The following MACROD2 variants were observed in gnomAD, a reference collection of about 807,000 sequenced individuals.
MACROD2 encodes ADP-ribose glycohydrolase MACROD2.
A neutral mutation model predicts 70.4 loss-of-function variants in MACROD2; 36 were observed. That is an observed-to-expected ratio of 0.51 (90% CI 0.39 to 0.68). The LOEUF (loss-of-function observed/expected upper bound fraction) is 0.68. MACROD2 is among the 30% of genes least tolerant of loss of function. MACROD2 has a pLI of 0.00. For missense variants in MACROD2, 496 were observed against 538.4 expected (o/e 0.92, Z 0.78); for synonymous variants, 172 against 178.8 (o/e 0.96, Z 0.30).
intron 5 of MACROD2, among the ~76,000 whole-genome samples, chr20:15,091,381 T>C (rs2075791957): frequency 6.6e-6 from 1 of 152,136 alleles, no homozygotes; most frequent in African/African-American, 2.4e-5. Flanking sequence ...TAAAAGTTTT[T>C]ATGTGATCCA....
At chr20:15,486,132 TCTA>T (rs2047160123) in intron 7 of MACROD2, among the ~76,000 whole-genome samples, 1 of 152,084 alleles carries the variant, frequency 6.6e-6, no homozygotes, top group Non-Finnish European at 1.5e-5. Flanking sequence ...AATCTGTTCA[TCTA>T]CTATCAGTTC....
intron 5 of MACROD2, among the ~76,000 whole-genome samples, chr20:14,876,469 A>G (rs1307652557): frequency 6.6e-6 from 1 of 152,098 alleles, no homozygotes; most frequent in Non-Finnish European, 1.5e-5. Flanking sequence ...TCTTTAGTTT[A>G]ATTAGGTCCC....
At chr20:15,686,378 C>A (rs1331063848) in intron 8 of MACROD2, among the ~76,000 whole-genome samples, 1 of 152,062 alleles carries the variant, frequency 6.6e-6, no homozygotes, top group African/African-American at 2.4e-5. Context: ...ATTTGAAAAT[C>A]ACTTTAGAAA....
intron 4 of MACROD2, among the ~76,000 whole-genome samples, chr20:14,604,589 G>A (rs1982688189): frequency 6.6e-6 from 1 of 152,166 alleles, no homozygotes; most frequent in African/African-American, 2.4e-5. Context: ...ACATCCGTGT[G>A]TCTAAACCCA....
intron 3 of MACROD2, among the ~76,000 whole-genome samples, chr20:14,375,356 C>T (rs767638172): frequency 1.3e-5 from 2 of 152,028 alleles, no homozygotes; most frequent in African/African-American, 2.4e-5. Flanking sequence ...AGCCAGTAGA[C>T]AGAATTATGT....
At chr20:15,643,218 T>C (rs996638045) in intron 8 of MACROD2, among the ~76,000 whole-genome samples, 1 of 152,196 alleles carries the variant, frequency 6.6e-6, no homozygotes, top group Non-Finnish European at 1.5e-5. Context: ...TCTCACCTTC[T>C]ACCCTCAACC....
Position 14,548,581 on chromosome 20 carries a change from A to G in MACROD2, c.301+55073A>G, listed in dbSNP as rs1324734622. 7.6e-5 allele frequency among the ~76,000 whole-genome samples: 4 copies of G among 52,490 alleles called. 2 individuals are homozygous for G. The highest frequency in any genetic ancestry group is 1.1e-4 in the African/African-American group (2 of 18,866). 34.4% of individuals were successfully genotyped at this position (52,490 alleles called of 152,430 possible). On this transcript the variant is annotated intron_variant, in intron 4 of 17. Coordinates refer to ENST00000684519, the MANE Select transcript of MACROD2 (RefSeq NM_001351661.2). ...AAAATACAAAAAATTAGCCGGGCGT[A>G]GTGGCGGGCGCCTGTTGTCCCAGCT...
At chr20:14,676,641 A>G (rs2070865232) in intron 4 of MACROD2, among the ~76,000 whole-genome samples, 1 of 152,172 alleles carries the variant, frequency 6.6e-6, no homozygotes, top group African/African-American at 2.4e-5. Context: ...ACACCCTAAC[A>G]TCACAAATAA....
chr20:15,167,147 A>T (rs902977611), intron 5 of MACROD2, among the ~76,000 whole-genome samples: 1 of 152,150 alleles, frequency 6.6e-6, no homozygotes. Flanking sequence ...AACACAAAAA[A>T]TACATTGAGT....
intron 2 of MACROD2, among the ~76,000 whole-genome samples, chr20:14,058,393 C>T (rs2053654011): frequency 6.6e-6 from 1 of 151,704 alleles, no homozygotes; most frequent in Non-Finnish European, 1.5e-5. Context: ...CACATTCAGT[C>T]CTACCTCTTC....
At chr20:16,014,129 A>G (rs2066899700) in intron 15 of MACROD2, among the ~76,000 whole-genome samples, 1 of 152,190 alleles carries the variant, frequency 6.6e-6, no homozygotes, top group African/African-American at 2.4e-5. Context: ...GTCTTTGCTA[A>G]ATTTTTTCCT....
At chr20:15,148,613 TGAC>T in intron 5 of MACROD2, among the ~76,000 whole-genome samples, 1 of 151,976 alleles carries the variant, frequency 6.6e-6, no homozygotes, top group East Asian at 1.9e-4. Flanking sequence ...ACAGCACAGA[TGAC>T]AAGTTTTTTG....
At position 13,995,579 on chromosome 20, in the gene MACROD2, G is replaced by T; in HGVS notation, c.-185G>T. On this transcript the variant is annotated 5_prime_UTR_variant, in exon 1 of 18. Transcript: ENST00000684519. The surrounding 1 kb of genome is among the most constrained non-coding windows in gnomAD (Gnocchi z 4.3). Reference sequence around the variant, plus strand: ...GCTGAGGCGGGTGGGAGCCGGAGCCGAGCGCGGGCTGAGGGAGGAGGGCGG... The same window carrying T: ...GCTGAGGCGGGTGGGAGCCGGAGCCTAGCGCGGGCTGAGGGAGGAGGGCGG... The T allele has an allele frequency of 3.0e-6, 2 of 675,344 alleles. No individual in the cohort carries two copies. The highest frequency in any genetic ancestry group is 3.4e-5 in the South Asian group (2 of 58,726). 41.8% of individuals were successfully genotyped at this position (675,344 alleles called of 1,614,324 possible).
At chr20:16,029,392 C>G (rs577079422) in intron 15 of MACROD2, among the ~76,000 whole-genome samples, 1 of 152,172 alleles carries the variant, frequency 6.6e-6, no homozygotes. Context: ...GAATCAAGAG[C>G]CTCTGAACAC....
chr20:14,475,376 G>T (rs1288796048), intron 3 of MACROD2, among the ~76,000 whole-genome samples: 1 of 151,968 alleles, frequency 6.6e-6, no homozygotes, highest in Non-Finnish European at 1.5e-5. Context: ...TCATATTAAA[G>T]ATACAAGTGG....
intron 5 of MACROD2, among the ~76,000 whole-genome samples, chr20:14,891,952 A>C (rs2073766353): frequency 6.6e-6 from 1 of 152,036 alleles, no homozygotes; most frequent in Non-Finnish European, 1.5e-5. Flanking sequence ...TTATAGAAAA[A>C]TTAGTTAACA....
At chr20:14,938,754 G>T (rs1053254546) in intron 5 of MACROD2, among the ~76,000 whole-genome samples, 3 of 151,888 alleles carry the variant, frequency 2.0e-5, no homozygotes, top group African/African-American at 7.3e-5. Context: ...GCACTCCAGC[G>T]TGGGTGACTG....
chr20:15,258,327 CCACT>C (rs958174847), intron 6 of MACROD2, among the ~76,000 whole-genome samples: 11 of 152,074 alleles, frequency 7.2e-5, no homozygotes, highest in East Asian at 5.8e-4. Flanking sequence ...CACTCACTCA[CCACT>C]CACTCACTCA....
intron 6 of MACROD2, among the ~76,000 whole-genome samples, chr20:15,249,076 G>A (rs1421684649): frequency 3.3e-5 from 5 of 152,202 alleles, no homozygotes; most frequent in African/African-American, 4.8e-5. Flanking sequence ...GAGAAGGCAC[G>A]TGGAAGCTGC....
Sources: allele counts gnomAD v4.1 joint callset (sites outside exome capture counted in the v4.1 genomes callset), GRCh38; gene constraint gnomAD v4.1.1; non-coding constraint Gnocchi (gnomAD v3.1); transcripts MANE v1.5; gene names NCBI Gene and HGNC (gene_info 2026-07-23, HGNC 2026-07-21).